The following CTBP1 variants were observed in gnomAD, a reference collection of about 807,000 sequenced individuals.
CTBP1 encodes the protein C-terminal-binding protein 1.
Under a neutral mutation model 42.1 loss-of-function variants are expected in CTBP1, and 11 were observed. The ratio of observed to expected loss-of-function variants is 0.26; its 90% CI spans 0.16 to 0.43. The LOEUF is 0.43. CTBP1 is among the 20% of genes least tolerant of loss of function. The pLI is 1.00. For synonymous variants in CTBP1, 324 were observed against 277.1 expected (o/e 1.17, Z -1.68); for missense variants, 399 against 624.3 (o/e 0.64, Z 3.85).
chr4:1,244,606 C>A, intron 1 of CTBP1: 1 of 985,328 alleles, frequency 1.0e-6, no homozygotes. Flanking sequence ...CATCTTCTTC[C>A]CCCTCCCCAC....
rs912665543 is a variant in CTBP1 at position 1,246,354 on chromosome 4, A to G, written c.-189+2562T>C. On this transcript the variant is annotated intron_variant, in intron 1 of 9. Transcript: ENST00000382952. ...CCGTATGACACTGCCTGCTGCCTCT[A>G]CCACCTCCTGGCCACCCCTGGGCCC... Among the ~76,000 whole-genome samples the G allele has an allele frequency of 7.2e-5, 11 of 152,010 alleles. 1 individual carries two copies. The highest frequency in any genetic ancestry group is 1.9e-4 in the East Asian group (1 of 5,170).
At chr4:1,224,143 G>A (rs546541278) in intron 5 of CTBP1, among the ~76,000 whole-genome samples, 106 of 152,392 alleles carry the variant, frequency 7.0e-4, no homozygotes, top group Middle Eastern at 3.4e-3. Context: ...TGATGTGCGT[G>A]CCCACACATA....
chr4:1,212,959 T>A lies in CTBP1; in HGVS notation c.1060A>T (p.Met354Leu). ...HLTAATHWAS[M>L]DPAVVHPELN... ...TCAGGGTGCACGACGGCGGGGTCCA[T>A]GCTGGCCCAGTGGGTGGCGGCTGTC... The change falls in exon 9 of 10, where the codon ATG becomes TTG. Residue 354 changes from methionine to leucine, a missense_variant. This residue lies in a region of CTBP1 where 309 missense variants were observed against 497.5 expected (regional missense o/e 0.62). Transcript: ENST00000382952. 1 of 1,613,838 alleles carries A rather than the reference T, an allele frequency of 6.2e-7. No homozygotes were observed. The highest frequency in any genetic ancestry group is 1.1e-5 in the South Asian group (1 of 91,084).
intron 2 of CTBP1, among the ~76,000 whole-genome samples, chr4:1,239,688 C>G (rs1462389369): frequency 6.6e-6 from 1 of 152,218 alleles, no homozygotes; most frequent in Non-Finnish European, 1.5e-5. Context: ...CCACTGACCA[C>G]CCCAAAGCCG....
At chr4:1,242,289 C>G (rs1458311403) in intron 1 of CTBP1, 10 of 985,298 alleles carry the variant, frequency 1.0e-5, no homozygotes, top group Admixed American at 6.1e-5. Flanking sequence ...GCTGCCCACA[C>G]CTGGCCCCTG....
intron 1 of CTBP1, chr4:1,245,582 C>T (rs11733130): frequency 0.031 from 30,181 of 984,326 alleles, 664 homozygotes; most frequent in East Asian, 0.17. Flanking sequence ...GTGACACGGG[C>T]GGCAGGGAAG....
intron 1 of CTBP1, among the ~76,000 whole-genome samples, chr4:1,248,046 G>A (rs1011849111): frequency 6.6e-6 from 1 of 152,232 alleles, no homozygotes; most frequent in Non-Finnish European, 1.5e-5. Context: ...CAGGCGCACG[G>A]ACTCTGCCTT....
intron 3 of CTBP1, among the ~76,000 whole-genome samples, chr4:1,229,879 C>T (rs1730776377): frequency 6.6e-6 from 1 of 152,190 alleles, no homozygotes; most frequent in Admixed American, 6.5e-5. Context: ...CATGGAGGAC[C>T]ACACAGACCA....
At chr4:1,220,331 C>T (rs1189080969) in intron 5 of CTBP1, among the ~76,000 whole-genome samples, 1 of 151,176 alleles carries the variant, frequency 6.6e-6, no homozygotes, top group Non-Finnish European at 1.5e-5. Flanking sequence ...TTTATAACAG[C>T]ATTACAAATG....
chr4:1,225,320 C>A, intron 5 of CTBP1, 40 bp downstream of exon 5: 1 of 1,518,196 alleles, frequency 6.6e-7, no homozygotes, highest in Non-Finnish European at 8.8e-7. Context: ...CAGCGCCAGA[C>A]ACAGGGAGGG....
intron 3 of CTBP1, among the ~76,000 whole-genome samples, chr4:1,232,061 C>T (rs1035251314): frequency 2.0e-5 from 3 of 152,224 alleles, no homozygotes; most frequent in Non-Finnish European, 4.4e-5. Flanking sequence ...TAAACTTTTT[C>T]ATTTACTTAT....
At chr4:1,246,118 T>TGGCA (rs1314743635) in intron 1 of CTBP1, among the ~76,000 whole-genome samples, 3 of 152,128 alleles carry the variant, frequency 2.0e-5, no homozygotes, top group Admixed American at 1.3e-4. Flanking sequence ...GTGACGCAGG[T>TGGCA]GGCACCTTGT....
At position 1,225,379 on chromosome 4, in the gene CTBP1, G is replaced by T; in HGVS notation, c.495C>A (p.Thr165=). ...ACGCACCAAGTCCGATGATGCCCAA[G>T]GTCTCCCCGCGGATCCTGGCAGCGC... is the stretch of plus-strand genomic sequence containing the variant. ...ASGAARIRGE[T]LGIIGLGRVG... The change falls in exon 5 of 10, where the codon ACC becomes ACA. Residue 165 remains threonine, a synonymous_variant. Transcript: ENST00000382952. The T allele has an allele frequency of 6.4e-7, 1 of 1,563,648 alleles. No homozygotes were observed. The highest frequency in any genetic ancestry group is 8.6e-7 in the Non-Finnish European group (1 of 1,159,674).
intron 5 of CTBP1, chr4:1,217,197 A>C (rs996603140): frequency 5.3e-5 from 8 of 152,312 alleles, no homozygotes; most frequent in African/African-American, 1.9e-4. Flanking sequence ...CCAAACGCCC[A>C]GGGGACCCCC....
intron 4 of CTBP1, among the ~76,000 whole-genome samples, chr4:1,227,019 C>T (rs941881028): frequency 2.6e-5 from 4 of 152,032 alleles, no homozygotes; most frequent in Admixed American, 2.0e-4. Context: ...TCGCCTGTTA[C>T]CAGCATCGAG....
At chr4:1,232,314 T>C (rs1731044818) in intron 3 of CTBP1, among the ~76,000 whole-genome samples, 1 of 152,216 alleles carries the variant, frequency 6.6e-6, no homozygotes, top group African/African-American at 2.4e-5. Flanking sequence ...TGTCATTCTT[T>C]CTTTTTTTCC....
chr4:1,214,112 A>G, intron 7 of CTBP1: 1 of 546,488 alleles, frequency 1.8e-6, no homozygotes, highest in African/African-American at 2.0e-5. Flanking sequence ...AGCCCTGCCC[A>G]AAGAAGGGCT....
At chr4:1,224,621 T>C (rs1168292067) in intron 5 of CTBP1, among the ~76,000 whole-genome samples, 1 of 149,766 alleles carries the variant, frequency 6.7e-6, no homozygotes, top group Non-Finnish European at 1.5e-5. Flanking sequence ...GAGGCCTGTA[T>C]GTGTGCTGTG....
chr4:1,213,432 G>T, intron 8 of CTBP1, 46 bp downstream of exon 8: 1 of 1,601,030 alleles, frequency 6.2e-7, no homozygotes, highest in South Asian at 1.1e-5. Flanking sequence ...ATCTGGGGCT[G>T]GCAGGAAGGG....
Sources: gnomAD v4.1 joint callset for allele counts (sites outside exome capture counted in the v4.1 genomes callset) on GRCh38, gnomAD v4.1.1 for gene constraint, gnomAD v4.1.1 regional missense constraint, MANE v1.5 for transcripts, NCBI Gene and HGNC (gene_info 2026-07-23, HGNC 2026-07-21) for gene names.